Variants in SORCS1 observed in about 807,000 individuals in gnomAD.
SORCS1 encodes the protein sortilin related VPS10 domain containing receptor 1.
Under a neutral mutation model 146.1 loss-of-function variants are expected in SORCS1, and 60 were observed. The ratio of observed to expected loss-of-function variants is 0.41; its 90% CI spans 0.33 to 0.51. The LOEUF (loss-of-function observed/expected upper bound fraction) is 0.51. SORCS1 is among the 20% of genes least tolerant of loss of function. The pLI is 0.21. For missense variants in SORCS1, 1,352 were observed against 1,487.6 expected, an observed-to-expected ratio of 0.91 and a Z score of 1.50; for synonymous variants, 637 against 584.0, an observed-to-expected ratio of 1.09 and a Z score of -1.31.
intron 5 of SORCS1, among the ~76,000 whole-genome samples, chr10:106,752,332 CAGAA>C (rs1564931339): frequency 6.6e-6 from 1 of 152,162 alleles, no homozygotes; most frequent in Non-Finnish European, 1.5e-5. Context: ...CGTATACGGC[CAGAA>C]AGATCCACTG....
chr10:106,632,516 A>G (rs1433104990), intron 18 of SORCS1, among the ~76,000 whole-genome samples: 1 of 152,152 alleles, frequency 6.6e-6, no homozygotes, highest in Non-Finnish European at 1.5e-5. Flanking sequence ...CCAAGTCCTA[A>G]TAACTATTGA....
In SORCS1 at chr10:106,722,370, G is replaced by A. The variant is rs191858711; in HGVS notation, c.1024+7680C>T. 2.5e-3 allele frequency among the ~76,000 whole-genome samples: 379 copies of A among 152,164 alleles called. 5 individuals are homozygous for A. Among genetic ancestry groups the A allele is most frequent in the African/African-American group, 8.7e-3 (360 of 41,500 alleles). On this transcript the variant is annotated intron_variant, in intron 6 of 25. Transcript: ENST00000263054. ...TTTTGACATACTTACTGTTCAATAC[G>A]GAAACTAGGTTGGAAAGCTGGTGGA... is the stretch of plus-strand genomic sequence containing the variant.
chr10:106,577,595 T>C (rs535160454), intron 25 of SORCS1, 40 bp from the exon 26 acceptor site: 2 of 1,610,554 alleles, frequency 1.2e-6, no homozygotes, highest in East Asian at 2.2e-5. Context: ...TTAATGACAC[T>C]GGAAAGGGAA....
chr10:106,807,988 T>A lies in SORCS1; in HGVS notation c.726+21586A>T, dbSNP rs7923341. Reference sequence around the variant, plus strand: ...GATCAATTGCACCCTTTTCCGAGTTTCTTCTTCTACATGGTATTAGTGACT... The same window carrying A: ...GATCAATTGCACCCTTTTCCGAGTTACTTCTTCTACATGGTATTAGTGACT... On this transcript the variant is annotated intron_variant, in intron 3 of 25. Transcript: ENST00000263054. Among the ~76,000 whole-genome samples the A allele has an allele frequency of 2.6e-3, 402 of 152,352 alleles. 2 individuals are homozygous for A. Among genetic ancestry groups the A allele is most frequent in the African/African-American group, 9.4e-3 (392 of 41,592 alleles).
chr10:106,820,930 G>A (rs1947990446), intron 3 of SORCS1, among the ~76,000 whole-genome samples: 1 of 152,160 alleles, frequency 6.6e-6, no homozygotes, highest in African/African-American at 2.4e-5. Flanking sequence ...TTCATAAAAG[G>A]GTAATGGATG....
At chr10:107,161,015 C>A (rs1028641103) in intron 1 of SORCS1, among the ~76,000 whole-genome samples, 1 of 152,150 alleles carries the variant, frequency 6.6e-6, no homozygotes, top group Non-Finnish European at 1.5e-5. Context: ...AAGATCCCCC[C>A]AGGTGTTCCA....
the SORCS1 span, among the ~76,000 whole-genome samples, chr10:107,178,733 C>G: frequency 7.2e-5 from 11 of 152,104 alleles, no homozygotes; most frequent in African/African-American, 2.4e-4. Flanking sequence ...AGTGATTTGT[C>G]TACCATGGCC....
At chr10:107,172,294 C>A in the SORCS1 span, among the ~76,000 whole-genome samples, 4 of 152,162 alleles carry the variant, frequency 2.6e-5, no homozygotes, top group African/African-American at 9.7e-5. Flanking sequence ...TCCTTCTTTG[C>A]AGCATAATTC....
At chr10:107,015,619 A>G (rs546032467) in intron 1 of SORCS1, among the ~76,000 whole-genome samples, 1 of 152,324 alleles carries the variant, frequency 6.6e-6, no homozygotes, top group African/African-American at 2.4e-5. Context: ...TCAAAATGGA[A>G]ACTATAATAA....
chr10:106,967,515 T>C (rs1266655804), intron 1 of SORCS1, among the ~76,000 whole-genome samples: 1 of 152,052 alleles, frequency 6.6e-6, no homozygotes, highest in Non-Finnish European at 1.5e-5. Flanking sequence ...TACATATGGA[T>C]AGTAAAATAG....
intron 2 of SORCS1, among the ~76,000 whole-genome samples, chr10:106,933,639 C>T (rs1953533318): frequency 6.6e-6 from 1 of 151,518 alleles, no homozygotes; most frequent in African/African-American, 2.4e-5. Flanking sequence ...ATCCAGGATG[C>T]CCCCCCACCC....
At chr10:106,794,163 T>C (rs183304916) in intron 3 of SORCS1, among the ~76,000 whole-genome samples, 446 of 152,316 alleles carry the variant, frequency 2.9e-3, no homozygotes, top group Non-Finnish European at 5.0e-3. Context: ...TTTCCAACAA[T>C]GTCCAGATGT....
chr10:107,122,615 T>C (rs923895260), intron 1 of SORCS1, among the ~76,000 whole-genome samples: 1 of 152,218 alleles, frequency 6.6e-6, no homozygotes, highest in Non-Finnish European at 1.5e-5. Flanking sequence ...AAGTTAATTT[T>C]CTTTAACTTT....
intron 5 of SORCS1, among the ~76,000 whole-genome samples, chr10:106,733,334 C>A (rs1856743239): frequency 6.6e-6 from 1 of 152,104 alleles, no homozygotes; most frequent in Non-Finnish European, 1.5e-5. Context: ...TGATGCCTCA[C>A]CCCTAGACCT....
intron 1 of SORCS1, among the ~76,000 whole-genome samples, chr10:107,065,290 C>T (rs1033054459): frequency 2.6e-5 from 4 of 152,024 alleles, no homozygotes; most frequent in Non-Finnish European, 5.9e-5. Flanking sequence ...CACTCGGTAT[C>T]CCTAACTAAT....
chr10:106,740,554 G>A (rs1009672507), intron 5 of SORCS1, among the ~76,000 whole-genome samples: 2 of 152,164 alleles, frequency 1.3e-5, no homozygotes, highest in Non-Finnish European at 2.9e-5. Context: ...CATGTCAGGT[G>A]ATGCTCATAA....
chr10:106,615,089 C>T (rs1289651823), intron 21 of SORCS1, among the ~76,000 whole-genome samples: 1 of 152,088 alleles, frequency 6.6e-6, no homozygotes, highest in Non-Finnish European at 1.5e-5. Context: ...AAATTTCAAA[C>T]AAGTTTCTGT....
At chr10:106,589,184 C>T (rs1431785108) in intron 24 of SORCS1, among the ~76,000 whole-genome samples, 1 of 152,190 alleles carries the variant, frequency 6.6e-6, no homozygotes. Flanking sequence ...ACATAACTTA[C>T]GAAGGGCACA....
chr10:107,120,456 A>C (rs908253257), intron 1 of SORCS1, among the ~76,000 whole-genome samples: 1 of 152,354 alleles, frequency 6.6e-6, no homozygotes, highest in Middle Eastern at 3.4e-3. Flanking sequence ...GAAGAGTCTG[A>C]TTTAGACTAG....
Sources: allele counts gnomAD v4.1 joint callset (sites outside exome capture counted in the v4.1 genomes callset), GRCh38; gene constraint gnomAD v4.1.1; transcripts MANE v1.5; gene names NCBI Gene and HGNC (gene_info 2026-07-23, HGNC 2026-07-21).